The following TMTC2 variants were observed in gnomAD, a reference collection of about 807,000 sequenced individuals.
The protein encoded by TMTC2 is protein O-mannosyl-transferase TMTC2.
TMTC2 carries 43 observed loss-of-function variants against 82.4 expected under a neutral mutation model. The observed-to-expected ratio is 0.52, with a 90% confidence interval of 0.41 to 0.67. TMTC2 has a LOEUF of 0.67. TMTC2 is among the 30% of genes least tolerant of loss of function. The probability of loss-of-function intolerance (pLI) is 0.00; values close to 1 mark genes in which losing one functional copy is unlikely to be tolerated. For synonymous variants in TMTC2, 408 were observed against 381.9 expected (o/e 1.07, Z -0.80); for missense variants, 919 against 1,012.4 (o/e 0.91, Z 1.25).
At chr12:82,969,524 T>C (rs1485647595) in intron 7 of TMTC2, among the ~76,000 whole-genome samples, 1 of 152,206 alleles carries the variant, frequency 6.6e-6, no homozygotes, top group African/African-American at 2.4e-5. Flanking sequence ...GCAGTTGCTT[T>C]TGTTAAAAAA....
chr12:82,781,399 C>CTTTTT lies in TMTC2; in HGVS notation c.84-75594_84-75590dup, dbSNP rs71068954. On this transcript the variant is annotated intron_variant, in intron 1 of 11. Coordinates refer to ENST00000321196, the MANE Select transcript of TMTC2 (RefSeq NM_152588.3). Reference sequence around the variant, plus strand: ...ATAGAGTATGTGTGTGGAGTTTGCTCTTTTTTTTTTTTTTTTTTTTTAGCA... The same window carrying CTTTTT: ...ATAGAGTATGTGTGTGGAGTTTGCTCTTTTTTTTTTTTTTTTTTTTTTTTTTAGCA... 1.6e-3 allele frequency among the ~76,000 whole-genome samples: 193 copies of CTTTTT among 121,176 alleles called. 2 individuals are homozygous for CTTTTT. The highest frequency in any genetic ancestry group is 5.7e-3 in the African/African-American group (184 of 32,180). 79.5% of individuals were successfully genotyped at this position (121,176 alleles called of 152,430 possible).
At chr12:82,735,633 C>T (rs559850920) in intron 1 of TMTC2, among the ~76,000 whole-genome samples, 33 of 151,316 alleles carry the variant, frequency 2.2e-4, no homozygotes, top group South Asian at 6.4e-4. Flanking sequence ...GCGTGAGCCA[C>T]CGCACCCAGC....
At chr12:82,925,753 A>G (rs1464690702) in intron 3 of TMTC2, among the ~76,000 whole-genome samples, 1 of 152,196 alleles carries the variant, frequency 6.6e-6, no homozygotes, top group African/African-American at 2.4e-5. Flanking sequence ...TTCACTGATC[A>G]GCCCTTCCCC....
At chr12:82,968,770 C>A (rs1179408736) in intron 7 of TMTC2, among the ~76,000 whole-genome samples, 1 of 152,146 alleles carries the variant, frequency 6.6e-6, no homozygotes, top group Non-Finnish European at 1.5e-5. Context: ...CACAGATGCT[C>A]AGCTCACACA....
intron 1 of TMTC2, among the ~76,000 whole-genome samples, chr12:82,833,749 C>G (rs1196430066): frequency 6.6e-6 from 1 of 152,168 alleles, no homozygotes. Flanking sequence ...TCTTGACACT[C>G]AAGGCTGTTA....
At chr12:82,908,373 T>A (rs1423100818) in intron 3 of TMTC2, among the ~76,000 whole-genome samples, 2 of 113,844 alleles carry the variant, frequency 1.8e-5, no homozygotes, top group African/African-American at 5.6e-5. Context: ...GTTTTTTCTG[T>A]AGGTAACTTT....
chr12:83,114,297 T>C (rs1484237602), intron 11 of TMTC2, among the ~76,000 whole-genome samples: 1 of 151,970 alleles, frequency 6.6e-6, no homozygotes, highest in East Asian at 1.9e-4. Context: ...AGGGAGTCTT[T>C]CTCTGCCTGC....
At chr12:83,128,290 A>G (rs1885153801) in intron 11 of TMTC2, among the ~76,000 whole-genome samples, 1 of 152,108 alleles carries the variant, frequency 6.6e-6, no homozygotes, top group African/African-American at 2.4e-5. Context: ...TCAGTATTAG[A>G]GTTAGGTAGA....
intron 7 of TMTC2, among the ~76,000 whole-genome samples, chr12:82,976,399 C>T (rs1311369649): frequency 1.3e-5 from 2 of 151,986 alleles, no homozygotes; most frequent in African/African-American, 4.8e-5. Context: ...TGATGTTATT[C>T]CTTAATGAAA....
At chr12:82,811,075 C>T (rs1380242929) in intron 1 of TMTC2, among the ~76,000 whole-genome samples, 1 of 151,718 alleles carries the variant, frequency 6.6e-6, no homozygotes, top group Non-Finnish European at 1.5e-5. Flanking sequence ...ACTAAAAATA[C>T]AAAAAAATTA....
At chr12:83,028,368 T>A (rs543317948) in intron 8 of TMTC2, among the ~76,000 whole-genome samples, 1 of 152,214 alleles carries the variant, frequency 6.6e-6, no homozygotes, top group Non-Finnish European at 1.5e-5. Flanking sequence ...TATTAAAAAT[T>A]GAGCAGAAAG....
rs577603298 is a variant in TMTC2 at position 82,780,918 on chromosome 12, T to G, written c.84-76092T>G. 3.9e-5 allele frequency among the ~76,000 whole-genome samples: 6 copies of G among 152,238 alleles called. No homozygotes were observed. In the South Asian group the frequency reaches 1.2e-3, roughly 32 times the overall value. ...TTTAATAGGGTTATGTCTCATGTTTTTGTTACAAAGACAACTTTTTATTTT... is the reference window on the plus strand; with the variant it reads ...TTTAATAGGGTTATGTCTCATGTTTGTGTTACAAAGACAACTTTTTATTTT... On this transcript the variant is annotated intron_variant, in intron 1 of 11. Coordinates refer to ENST00000321196, the MANE Select transcript of TMTC2 (RefSeq NM_152588.3).
At chr12:83,117,590 A>T (rs1300172622) in intron 11 of TMTC2, among the ~76,000 whole-genome samples, 1 of 152,202 alleles carries the variant, frequency 6.6e-6, no homozygotes, top group Non-Finnish European at 1.5e-5. Flanking sequence ...AGGTAATGTG[A>T]TGCCTCCAGA....
chr12:82,726,878 CAAAAAAA>C (rs757515287), intron 1 of TMTC2, among the ~76,000 whole-genome samples: 2 of 42,352 alleles, frequency 4.7e-5, no homozygotes, highest in Non-Finnish European at 9.8e-5. Context: ...GACTCTGTCT[CAAAAAAA>C]AAAAAAAAAA....
At chr12:82,716,163 T>TG (rs759966396) in intron 1 of TMTC2, among the ~76,000 whole-genome samples, 13 of 152,204 alleles carry the variant, frequency 8.5e-5, no homozygotes, top group Non-Finnish European at 1.8e-4. Flanking sequence ...TGGTATATCT[T>TG]TGGGCAAATG....
chr12:82,997,410 G>GTGTATATATATATA (rs1879706759), intron 8 of TMTC2, among the ~76,000 whole-genome samples: 1 of 28,242 alleles, frequency 3.5e-5, no homozygotes, highest in African/African-American at 9.6e-5. Flanking sequence ...ATATATATAT[G>GTGTATATATATATA]TGTATATATA....
At chr12:82,890,898 C>T (rs1258150087) in intron 2 of TMTC2, among the ~76,000 whole-genome samples, 1 of 152,168 alleles carries the variant, frequency 6.6e-6, no homozygotes, top group African/African-American at 2.4e-5. Context: ...TTTTCTAATG[C>T]TCCCTATCAA....
At chr12:83,055,768 G>A (rs1882520149) in intron 10 of TMTC2, among the ~76,000 whole-genome samples, 2 of 151,612 alleles carry the variant, frequency 1.3e-5, no homozygotes, top group African/African-American at 4.8e-5. Flanking sequence ...CAGGGTAAGG[G>A]ATAAAAGTAG....
chr12:82,806,049 A>G (rs1815447730), intron 1 of TMTC2, among the ~76,000 whole-genome samples: 1 of 152,084 alleles, frequency 6.6e-6, no homozygotes, highest in Admixed American at 6.5e-5. Context: ...AGATAAATCA[A>G]AATTCAGACA....
Sources: gnomAD v4.1 joint callset for allele counts (sites outside exome capture counted in the v4.1 genomes callset) on GRCh38, gnomAD v4.1.1 for gene constraint, MANE v1.5 for transcripts, NCBI Gene and HGNC (gene_info 2026-07-23, HGNC 2026-07-21) for gene names.